Variants in KCNJ6 observed in about 807,000 individuals in gnomAD.
The protein encoded by KCNJ6 is G protein-activated inward rectifier potassium channel 2.
KCNJ6 carries 9 observed loss-of-function variants against 34.2 expected under a neutral mutation model. That is an observed-to-expected ratio of 0.26 (90% confidence interval 0.16 to 0.46). The LOEUF (loss-of-function observed/expected upper bound fraction) is 0.46, where lower values mean the gene tolerates loss of function less well. Among genes scored for constraint, KCNJ6 ranks in the 20% least tolerant of loss-of-function variants. KCNJ6 has a pLI of 1.00. For missense variants in KCNJ6, 236 were observed against 531.3 expected, an observed-to-expected ratio of 0.44 and a Z score of 5.46; for synonymous variants, 196 against 207.1, an observed-to-expected ratio of 0.95 and a Z score of 0.46.
At chr21:37,798,065 C>T (rs1242382194) in intron 2 of KCNJ6, among the ~76,000 whole-genome samples, 1 of 152,198 alleles carries the variant, frequency 6.6e-6, no homozygotes, top group Non-Finnish European at 1.5e-5. Flanking sequence ...CTATACTGAG[C>T]ATTGGTGCTA....
intron 1 of KCNJ6, among the ~76,000 whole-genome samples, chr21:37,881,518 T>G (rs2055708442): frequency 6.6e-6 from 1 of 152,030 alleles, no homozygotes; most frequent in Non-Finnish European, 1.5e-5. Context: ...CTGCTTCTTT[T>G]GTTGTTGTTG....
Position 37,625,037 on chromosome 21 carries a change from C to A in KCNJ6, c.*122G>T. On this transcript the variant is annotated 3_prime_UTR_variant, in exon 4 of 4. Coordinates refer to ENST00000609713, the MANE Select transcript of KCNJ6 (RefSeq NM_002240.5). Reference sequence around the variant, plus strand: ...ACACCTTGAAGATTTGTTTTCTGGTCATGTAAAAATTAAATATAAACAAAT... The same window carrying A: ...ACACCTTGAAGATTTGTTTTCTGGTAATGTAAAAATTAAATATAAACAAAT... 4.0e-6 allele frequency: 3 copies of A among 747,742 alleles called. No individual in the cohort carries two copies. The South Asian group carries it at 5.3e-5, about 13-fold the overall frequency. The allele number at this position is 747,742 out of a possible 1,614,324, so 46.3% of individuals were successfully genotyped here. A position where few individuals can be genotyped will look rare whatever the true frequency, so the allele number is the denominator to read the frequency against.
chr21:37,626,911 T>C (rs1432862222), intron 3 of KCNJ6, among the ~76,000 whole-genome samples: 1 of 152,188 alleles, frequency 6.6e-6, no homozygotes, highest in Non-Finnish European at 1.5e-5. Flanking sequence ...GCAAGGGGCT[T>C]ACAAAGGCAA....
chr21:37,858,477 A>G (rs1211118828), intron 1 of KCNJ6, among the ~76,000 whole-genome samples: 1 of 150,110 alleles, frequency 6.7e-6, no homozygotes, highest in East Asian at 2.0e-4. Context: ...CCTGGAGGGG[A>G]AAAGGGGATT....
At chr21:37,894,589 G>A (rs1045151080) in intron 1 of KCNJ6, among the ~76,000 whole-genome samples, 22 of 152,112 alleles carry the variant, frequency 1.4e-4, no homozygotes, top group Non-Finnish European at 2.4e-4. Context: ...GCTTGAACCC[G>A]GGAGGCGGAG....
At chr21:37,760,645 G>A (rs1032583079) in intron 2 of KCNJ6, among the ~76,000 whole-genome samples, 2 of 152,228 alleles carry the variant, frequency 1.3e-5, no homozygotes, top group Non-Finnish European at 2.9e-5. Context: ...TCCTGGGTCT[G>A]ACTGGAACTT....
At chr21:37,812,896 T>G (rs979541148) in intron 2 of KCNJ6, among the ~76,000 whole-genome samples, 4 of 152,230 alleles carry the variant, frequency 2.6e-5, no homozygotes, top group African/African-American at 9.6e-5. Context: ...TTCTACATAG[T>G]ACTGGAAGTC....
At chr21:37,652,730 A>G (rs1326674348) in intron 3 of KCNJ6, among the ~76,000 whole-genome samples, 1 of 152,180 alleles carries the variant, frequency 6.6e-6, no homozygotes, top group African/African-American at 2.4e-5. Flanking sequence ...GTTGTCAGAT[A>G]GGCAAGAGAA....
chr21:37,739,097 C>T (rs1199737519), intron 2 of KCNJ6, among the ~76,000 whole-genome samples: 1 of 152,208 alleles, frequency 6.6e-6, no homozygotes, highest in Non-Finnish European at 1.5e-5. Flanking sequence ...AAGTGTTAAA[C>T]ACACAGGGGA....
At chr21:37,668,186 G>C (rs1025483351) in intron 3 of KCNJ6, among the ~76,000 whole-genome samples, 11 of 152,196 alleles carry the variant, frequency 7.2e-5, no homozygotes, top group African/African-American at 2.6e-4. Flanking sequence ...GCTTGATGGG[G>C]GCTTCTCTGG....
intron 2 of KCNJ6, among the ~76,000 whole-genome samples, chr21:37,767,679 G>A (rs115852919): frequency 4.6e-5 from 7 of 152,296 alleles, no homozygotes; most frequent in African/African-American, 1.7e-4. Context: ...ATTTAAGACT[G>A]TGTCATGTCC....
intron 2 of KCNJ6, among the ~76,000 whole-genome samples, chr21:37,837,920 G>A (rs1464556880): frequency 1.3e-5 from 2 of 152,100 alleles, no homozygotes; most frequent in African/African-American, 4.8e-5. Context: ...TTGGTATGTT[G>A]ACCACATGAT....
intron 1 of KCNJ6, among the ~76,000 whole-genome samples, chr21:37,845,580 T>G (rs899566519): frequency 6.6e-6 from 1 of 152,218 alleles, no homozygotes; most frequent in Non-Finnish European, 1.5e-5. Context: ...GAGGAACAAA[T>G]GAGACAATGT....
At chr21:37,652,532 A>G (rs8134763) in intron 3 of KCNJ6, among the ~76,000 whole-genome samples, 116 of 152,304 alleles carry the variant, frequency 7.6e-4, no homozygotes, top group African/African-American at 2.6e-3. Context: ...GAGACTTGAC[A>G]CAATTACATA....
chr21:37,912,216 T>C (rs950589968), intron 1 of KCNJ6, among the ~76,000 whole-genome samples: 1 of 152,228 alleles, frequency 6.6e-6, no homozygotes, highest in Non-Finnish European at 1.5e-5. Flanking sequence ...TTGCTCTCCT[T>C]AACAAATCTT....
intron 2 of KCNJ6, among the ~76,000 whole-genome samples, chr21:37,811,492 T>C (rs892547122): frequency 6.6e-6 from 1 of 152,136 alleles, no homozygotes; most frequent in South Asian, 2.1e-4. Flanking sequence ...CAGGTAGATA[T>C]GTCAGAATTG....
intron 2 of KCNJ6, among the ~76,000 whole-genome samples, chr21:37,813,616 C>T (rs1260798486): frequency 2.0e-5 from 3 of 152,112 alleles, no homozygotes; most frequent in Non-Finnish European, 2.9e-5. Flanking sequence ...TGCATGAACT[C>T]GTTTTCAACA....
At chr21:37,689,888 G>T (rs780957707) in intron 3 of KCNJ6, among the ~76,000 whole-genome samples, 1 of 151,996 alleles carries the variant, frequency 6.6e-6, no homozygotes, top group Non-Finnish European at 1.5e-5. Context: ...TGGGTCTCAG[G>T]CAGAGTCAAA....
chr21:37,661,071 G>C (rs1295068895), intron 3 of KCNJ6, among the ~76,000 whole-genome samples: 1 of 152,098 alleles, frequency 6.6e-6, no homozygotes, highest in Non-Finnish European at 1.5e-5. Flanking sequence ...TTTTTTGCAA[G>C]GGTCTATTGA....
Sources: allele counts gnomAD v4.1 joint callset (sites outside exome capture counted in the v4.1 genomes callset), GRCh38; gene constraint gnomAD v4.1.1; transcripts MANE v1.5; gene names NCBI Gene and HGNC (gene_info 2026-07-23, HGNC 2026-07-21).